RIOK2: variants seen among roughly 807,000 people sequenced by gnomAD.
RIOK2 encodes the protein RIO kinase 2.
RIOK2 carries 46 observed loss-of-function variants against 62.4 expected under a neutral mutation model. That is an observed-to-expected ratio of 0.74 (90% confidence interval 0.58 to 0.94). RIOK2 has a LOEUF of 0.94. RIOK2 is among the 40% of genes least tolerant of loss of function. The pLI is 0.00. For missense variants in RIOK2, 574 were observed against 658.0 expected (o/e 0.87, Z 1.40); for synonymous variants, 197 against 216.0 (o/e 0.91, Z 0.77).
Position 97,177,260 on chromosome 5 carries a change from T to C in RIOK2, c.354A>G (p.Gln118=). 6.2e-7 allele frequency: 1 copy of C among 1,612,922 alleles called. No homozygotes were observed. The highest frequency in any genetic ancestry group is 8.5e-7 in the Non-Finnish European group (1 of 1,179,680). The stretch of plus-strand genomic sequence containing the variant: ...GTCTGTGAAGCTTTAATGCAAATTG[T>C]TGTCCTTCTTCATTTGCAACAATGT... ...DIYIVANEEG[Q]QFALKLHRLG... The change falls in exon 4 of 10, where the codon CAA becomes CAG. Residue 118 remains glutamine (Q), a synonymous_variant. Coordinates refer to ENST00000283109, the MANE Select transcript of RIOK2 (RefSeq NM_018343.3).
At position 97,167,333 on chromosome 5, in the gene RIOK2, G is replaced by C. The variant is rs1748869266; in HGVS notation, c.1397+134C>G. ...AGTTTTTAACAACAAAAAATTATTT[G>C]GCTTTCATTTTATACATCAAGGTGG... On this transcript the variant is annotated intron_variant, in intron 8 of 9. Coordinates refer to ENST00000283109, the MANE Select transcript of RIOK2 (RefSeq NM_018343.3). The C allele has an allele frequency of 2.7e-6, 4 of 1,462,914 alleles. No individual in the cohort carries two copies. In the African/African-American group the frequency reaches 5.7e-5, roughly 21 times the overall value. The allele number at this position is 1,462,914 out of a possible 1,614,324, so 90.6% of individuals were successfully genotyped here. A position where few individuals can be genotyped will look rare whatever the true frequency, so the allele number is the denominator to read the frequency against.
rs539062411 is a variant in RIOK2, at chr5:97,178,486, C to G, written c.205+569G>C. 6.8e-4 allele frequency among the ~76,000 whole-genome samples: 102 copies of G among 150,696 alleles called. 2 individuals carry two copies. Among genetic ancestry groups the G allele is most frequent in the Admixed American group, 3.9e-3 (59 of 15,150 alleles). ...CATGCTCTTCTGCAGTACCTACATG[C>G]TCTTCTGCAGTGCTCTACCTGCTCT... On this transcript the variant is annotated intron_variant, in intron 2 of 9. Coordinates refer to ENST00000283109, the MANE Select transcript of RIOK2 (RefSeq NM_018343.3).
chr5:97,181,533 G>C (rs919923370), intron 1 of RIOK2, among the ~76,000 whole-genome samples: 2 of 152,088 alleles, frequency 1.3e-5, no homozygotes, highest in African/African-American at 4.8e-5. Flanking sequence ...AGAAGTAAAA[G>C]GGAAGAGAGG....
chr5:97,168,044 A>T, intron 7 of RIOK2, 53 bp from the exon 8 acceptor site: 1 of 1,490,628 alleles, frequency 6.7e-7, no homozygotes, highest in South Asian at 1.3e-5. Context: ...TTTATCTAAG[A>T]GGAGCAAATA....
rs754717927 is a variant in RIOK2 at position 97,183,205 on chromosome 5, CGAACCCAGATG to C, written c.-25_-15del. On this transcript the variant is annotated 5_prime_UTR_variant, in exon 1 of 10. Transcript: ENST00000283109. ...CACTTTCCCCATGGCGGCCCCAGTC[CGAACCCAGATG>C]CCTCTCCGACGACAGCCGCAAAGCG... 6.2e-7 allele frequency: 1 copy of C among 1,614,128 alleles called. No individual in the cohort carries two copies. The highest frequency in any genetic ancestry group is 1.1e-5 in the South Asian group (1 of 91,086).
At position 97,179,211 on chromosome 5, in the gene RIOK2, A is replaced by G. The variant is rs1196946389; in HGVS notation, c.67-18T>C. The G allele has an allele frequency of 2.5e-6, 4 of 1,609,462 alleles. No individual in the cohort carries two copies. The African/African-American group carries it at 5.4e-5, about 22-fold the overall frequency. On this transcript the variant is annotated intron_variant, in intron 1 of 9. Coordinates refer to ENST00000283109, the MANE Select transcript of RIOK2 (RefSeq NM_018343.3). ...ATTTCAACCTGAAATTAAAGGAATC[A>G]TTATATAATCATAATCAACACAAAG... is the stretch of plus-strand genomic sequence containing the variant.
chr5:97,182,922 C>G, intron 1 of RIOK2: 2 of 651,828 alleles, frequency 3.1e-6, no homozygotes, highest in Non-Finnish European at 5.5e-6. Context: ...AAGACGGGAC[C>G]TTTGCTCTAT....
intron 8 of RIOK2, among the ~76,000 whole-genome samples, chr5:97,165,544 A>T (rs75103696): frequency 0.014 from 2,123 of 152,328 alleles, 60 homozygotes; most frequent in African/African-American, 0.049. Flanking sequence ...ATGGAAACAG[A>T]CAGTACTCAT....
At chr5:97,177,707 T>C in intron 3 of RIOK2, 25 bp downstream of exon 3, 1 of 1,338,162 alleles carries the variant, frequency 7.5e-7, no homozygotes, top group East Asian at 2.3e-5. Context: ...AAGAAAATAC[T>C]TTGCACAGTA....
Position 97,161,277 on chromosome 5 carries a change from A to G in RIOK2, c.*1784T>C, listed in dbSNP as rs1748689658. On this transcript the variant is annotated 3_prime_UTR_variant, in exon 10 of 10. Transcript: ENST00000283109. ...AAAAAAAAGTGTTTTAACAATCACA[A>G]TATACAGCTTTACATTAGTAAAATT... 1 of 152,228 alleles carries G rather than the reference A, an allele frequency of 6.6e-6. No individual in the cohort carries two copies. Among genetic ancestry groups the G allele is most frequent in the South Asian group, 2.1e-4 (1 of 4,834 alleles). 9.4% of individuals were successfully genotyped at this position (152,228 alleles called of 1,614,324 possible).
In RIOK2 at chr5:97,167,774, C is replaced by T; in HGVS notation, c.1090G>A (p.Gly364Ser). Residue 364 changes from glycine (G) to serine (S), a missense_variant, in exon 8 of 10, where the codon GGC (glycine) becomes AGC (serine). Coordinates refer to ENST00000283109, the MANE Select transcript of RIOK2 (RefSeq NM_018343.3). ...SERNCLEESEGCYCRSSGDPE... is the reference protein window; with the variant it reads ...SERNCLEESESCYCRSSGDPE... Reference sequence around the variant, plus strand: ...TCTCCAGATGATCTGCAATAGCAGCCCTCTGATTCTTCTAGACAGTTCCGT... The same window carrying T: ...TCTCCAGATGATCTGCAATAGCAGCTCTCTGATTCTTCTAGACAGTTCCGT... The T allele has an allele frequency of 6.2e-7, 1 of 1,614,088 alleles. No individual in the cohort carries two copies. The highest frequency in any genetic ancestry group is 1.1e-5 in the South Asian group (1 of 91,076).
At chr5:97,166,629 G>T in intron 8 of RIOK2, 2 of 407,630 alleles carry the variant, frequency 4.9e-6, no homozygotes, top group Non-Finnish European at 6.6e-6. Flanking sequence ...AGCTGAGCCT[G>T]ATTAATATTT....
At chr5:97,174,430 T>G (rs1479545419) in intron 4 of RIOK2, among the ~76,000 whole-genome samples, 3 of 152,058 alleles carry the variant, frequency 2.0e-5, no homozygotes, top group Non-Finnish European at 2.9e-5. Flanking sequence ...AAAAAAAGTT[T>G]TTTTTTACAT....
At chr5:97,178,796 C>T (rs1403347212) in intron 2 of RIOK2, 3 of 479,958 alleles carry the variant, frequency 6.3e-6, no homozygotes, top group East Asian at 8.1e-5. Flanking sequence ...TTCTGCAGTA[C>T]TCTACGTGCT....
At chr5:97,182,947 G>A in intron 1 of RIOK2, 179 bp downstream of exon 1, 1 of 735,992 alleles carries the variant, frequency 1.4e-6, no homozygotes, top group Non-Finnish European at 2.5e-6. Context: ...GGGAAGGTAA[G>A]CTCCCAAACA....
intron 9 of RIOK2, among the ~76,000 whole-genome samples, chr5:97,164,517 CA>C (rs533643724): frequency 1.4e-5 from 2 of 141,076 alleles, no homozygotes; most frequent in Non-Finnish European, 3.1e-5. Flanking sequence ...AACTCCATCT[CA>C]AAAAAAAAAC....
intron 4 of RIOK2, 131 bp from the exon 5 acceptor site, chr5:97,173,394 G>T: frequency 1.5e-6 from 1 of 660,798 alleles, no homozygotes; most frequent in Non-Finnish European, 2.6e-6. Flanking sequence ...GTTAACACAT[G>T]GTTATTTATG....
chr5:97,182,339 T>C (rs1383256419), intron 1 of RIOK2, among the ~76,000 whole-genome samples: 2 of 152,234 alleles, frequency 1.3e-5, no homozygotes, highest in Non-Finnish European at 2.9e-5. Context: ...CCACATTACA[T>C]TGGCCTTTCC....
chr5:97,166,130 G>A (rs1221366652), intron 8 of RIOK2: 2 of 270,882 alleles, frequency 7.4e-6, no homozygotes, highest in Non-Finnish European at 1.5e-5. Context: ...TGTACCATGG[G>A]CTCTCCTTGG....
Sources: allele counts gnomAD v4.1 joint callset (sites outside exome capture counted in the v4.1 genomes callset), GRCh38; gene constraint gnomAD v4.1.1; transcripts MANE v1.5; gene names NCBI Gene and HGNC (gene_info 2026-07-23, HGNC 2026-07-21).